DZANK1: variants seen among roughly 807,000 people sequenced by gnomAD.
The protein encoded by DZANK1 is double zinc ribbon and ankyrin repeat domains 1, also known as double zinc ribbon and ankyrin repeat-containing protein 1.
In DZANK1, 91 loss-of-function variants were observed where a neutral mutation model predicts 94.5. That is an observed-to-expected ratio of 0.96 (90% CI 0.81 to 1.15). DZANK1 has a LOEUF of 1.15. Among genes scored for constraint, DZANK1 ranks in the 50% most tolerant of loss-of-function variants. The probability of loss-of-function intolerance (pLI) is 0.00; values close to 1 mark genes in which losing one functional copy is unlikely to be tolerated. For synonymous variants in DZANK1, 312 were observed against 325.3 expected (o/e 0.96, Z 0.44); for missense variants, 903 against 916.4 (o/e 0.99, Z 0.19).
exon 13 of DZANK1, chr20:18,412,671 G>A (rs542831269): frequency 1.2e-6 from 2 of 1,613,006 alleles, no homozygotes; most frequent in South Asian, 2.2e-5. Context: ...TGGCTGTCAG[G>A]AGGGGTTTAT....
At chr20:18,437,094 G>A (rs1230749124) in intron 8 of DZANK1, among the ~76,000 whole-genome samples, 3 of 152,170 alleles carry the variant, frequency 2.0e-5, no homozygotes, top group Admixed American at 6.5e-5. Flanking sequence ...AGGAGGAAGT[G>A]AGAAGACCAG....
Position 18,455,238 on chromosome 20 carries a change from A to C in DZANK1, c.378+9T>G. The stretch of plus-strand genomic sequence containing the variant: ...GACAATCTGAATGGATTATAGTTTC[A>C]TTACTTGCCTGCCTTGAAGAATCTT... On this transcript the variant is annotated intron_variant, in intron 4 of 20. Coordinates refer to ENST00000262547, the Ensembl canonical transcript of DZANK1. 1 of 1,583,116 alleles carries C rather than the reference A, an allele frequency of 6.3e-7. No individual in the cohort carries two copies. Among genetic ancestry groups the C allele is most frequent in the South Asian group, 1.2e-5 (1 of 86,848 alleles).
intron 3 of DZANK1, 72 bp downstream of exon 3, chr20:18,460,081 A>G (rs1394995205): frequency 8.6e-7 from 1 of 1,162,562 alleles, no homozygotes; most frequent in Non-Finnish European, 1.1e-6. Context: ...TTCTGATAGG[A>G]AAAAATGAAT....
intron 12 of DZANK1, among the ~76,000 whole-genome samples, chr20:18,413,518 A>C (rs558025250): frequency 6.6e-6 from 1 of 152,138 alleles, no homozygotes; most frequent in Non-Finnish European, 1.5e-5. Flanking sequence ...ATGGTGGCTC[A>C]TGCCTGTAAT....
chr20:18,444,270 C>A (rs1194571330), intron 7 of DZANK1, among the ~76,000 whole-genome samples: 1 of 152,230 alleles, frequency 6.6e-6, no homozygotes, highest in Non-Finnish European at 1.5e-5. Flanking sequence ...TACCATGGCA[C>A]CAAGGTTTCA....
intron 3 of DZANK1, 136 bp from the exon 4 acceptor site, chr20:18,455,497 T>C (rs2059255608): frequency 1.4e-6 from 1 of 690,474 alleles, no homozygotes; most frequent in African/African-American, 1.8e-5. Flanking sequence ...AGAAATCAAA[T>C]GTAATTTCTA....
At chr20:18,426,987 G>A (rs749051879) in intron 10 of DZANK1, 80 bp downstream of exon 10, 180 of 1,056,212 alleles carry the variant, frequency 1.7e-4, no homozygotes, top group Middle Eastern at 9.7e-4. Flanking sequence ...CAACCCCCTC[G>A]GCAGATTCTG....
intron 4 of DZANK1, chr20:18,454,143 G>A: frequency 2.4e-6 from 1 of 421,696 alleles, no homozygotes; most frequent in South Asian, 1.9e-5. Flanking sequence ...ACCAAGTCCA[G>A]AGGGCAAAGG....
intron 10 of DZANK1, chr20:18,420,561 C>A: frequency 8.8e-6 from 2 of 228,070 alleles, no homozygotes; most frequent in South Asian, 1.5e-4. Context: ...AGCACATGCC[C>A]CACATACTCC....
intron 13 of DZANK1, 66 bp from the exon 14 acceptor site, chr20:18,398,692 C>G: frequency 6.9e-7 from 1 of 1,450,522 alleles, no homozygotes; most frequent in Non-Finnish European, 9.7e-7. Flanking sequence ...AAAATGATAG[C>G]ATGGAACATA....
intron 10 of DZANK1, chr20:18,421,163 A>G (rs1410272914): frequency 7.1e-5 from 11 of 154,382 alleles, no homozygotes; most frequent in Non-Finnish European, 4.4e-5. Context: ...GAAGAAGTAC[A>G]TAACTGGTCA....
At chr20:18,389,284 G>A (rs2048700930) in intron 19 of DZANK1, among the ~76,000 whole-genome samples, 1 of 152,152 alleles carries the variant, frequency 6.6e-6, no homozygotes, top group Non-Finnish European at 1.5e-5. Flanking sequence ...GAGATCTGGA[G>A]ACAACCGTAT....
In DZANK1 at chr20:18,447,045, T is replaced by C. The variant is rs1006619470; in HGVS notation, c.629+1939A>G. On this transcript the variant is annotated intron_variant, in intron 7 of 20. Coordinates refer to ENST00000262547, the Ensembl canonical transcript of DZANK1. ...TGACTTAACATTTGAAAACCAATCATTGTAATTCACCACATGAACAGAAAA... is the reference window on the plus strand; with the variant it reads ...TGACTTAACATTTGAAAACCAATCACTGTAATTCACCACATGAACAGAAAA... 2.0e-5 allele frequency among the ~76,000 whole-genome samples: 3 copies of C among 152,352 alleles called. No individual in the cohort carries two copies. The East Asian group carries it at 5.8e-4, about 29-fold the overall frequency.
chr20:18,438,448 A>G (rs1222579323), intron 8 of DZANK1, among the ~76,000 whole-genome samples: 1 of 152,162 alleles, frequency 6.6e-6, no homozygotes, highest in African/African-American at 2.4e-5. Context: ...CTAGAAACAC[A>G]CCTTAAATTC....
In DZANK1 at chr20:18,441,193, G is replaced by A. The variant is rs768927855; in HGVS notation, c.747+2154C>T. On this transcript the variant is annotated intron_variant, in intron 8 of 20. Transcript: ENST00000262547. This position sits in a 1 kb window ranked among gnomAD's most constrained non-coding sequence, Gnocchi z 4.1. ...TCAAGATACTTGCTTCAATTGGCAC[G>A]TCATCACAATCAGCCACAGGTGACA... Among the ~76,000 whole-genome samples, 202 of 152,226 alleles carry A rather than the reference G, an allele frequency of 1.3e-3. 1 individual carries two copies. The highest frequency in any genetic ancestry group is 1.9e-3 in the Non-Finnish European group (130 of 68,024).
chr20:18,444,008 T>C (rs2058796368), intron 7 of DZANK1, among the ~76,000 whole-genome samples: 1 of 152,128 alleles, frequency 6.6e-6, no homozygotes, highest in Non-Finnish European at 1.5e-5. Context: ...CTCCCACTCA[T>C]CTAAATGGGT....
At chr20:18,448,537 T>G (rs887778650) in intron 7 of DZANK1, among the ~76,000 whole-genome samples, 1 of 152,146 alleles carries the variant, frequency 6.6e-6, no homozygotes, top group African/African-American at 2.4e-5. Context: ...AGTTATTGTA[T>G]GTCAATTATA....
chr20:18,449,208 T>A, intron 6 of DZANK1, 139 bp from the exon 7 acceptor site: 1 of 694,282 alleles, frequency 1.4e-6, no homozygotes, highest in Non-Finnish European at 2.4e-6. Context: ...ATAGACACTA[T>A]AGACTCTAAA....
intron 4 of DZANK1, 76 bp downstream of exon 4, chr20:18,455,171 G>C (rs2059240122): frequency 9.1e-7 from 1 of 1,098,032 alleles, no homozygotes; most frequent in East Asian, 2.6e-5. Context: ...GGTAATAAAA[G>C]GCAAGATCTG....
Sources: gnomAD v4.1 joint callset for allele counts (sites outside exome capture counted in the v4.1 genomes callset) on GRCh38, gnomAD v4.1.1 for gene constraint, Gnocchi (gnomAD v3.1) non-coding constraint, MANE v1.5 for transcripts, NCBI Gene and HGNC (gene_info 2026-07-23, HGNC 2026-07-21) for gene names.